NR3C2: variants seen among roughly 807,000 people sequenced by gnomAD.
NR3C2 encodes the protein mineralocorticoid receptor.
NR3C2 carries 15 observed loss-of-function variants against 86.4 expected under a neutral mutation model. The ratio of observed to expected loss-of-function variants is 0.17; its 90% CI spans 0.12 to 0.27. The LOEUF (loss-of-function observed/expected upper bound fraction) is 0.27, where lower values mean the gene tolerates loss of function less well. Among genes scored for constraint, NR3C2 ranks in the 10% least tolerant of loss-of-function variants. The probability of loss-of-function intolerance (pLI) is 1.00; values close to 1 mark genes in which losing one functional copy is unlikely to be tolerated. For missense variants in NR3C2, 960 were observed against 1,195.6 expected, an observed-to-expected ratio of 0.80 and a Z score of 2.91; for synonymous variants, 458 against 450.5, an observed-to-expected ratio of 1.02 and a Z score of -0.21.
chr4:148,262,210 G>A (rs371917246), intron 2 of NR3C2, among the ~76,000 whole-genome samples: 1 of 151,900 alleles, frequency 6.6e-6, no homozygotes, highest in Non-Finnish European at 1.5e-5. Context: ...AAGCATAAGC[G>A]GGATTTTTAT....
At chr4:148,176,832 T>C (rs1438933306) in intron 4 of NR3C2, among the ~76,000 whole-genome samples, 2 of 152,202 alleles carry the variant, frequency 1.3e-5, no homozygotes, top group African/African-American at 4.8e-5. Context: ...TTTTAAACAC[T>C]GTGATCCCCC....
chr4:148,273,291 T>A (rs1181525676), intron 2 of NR3C2, among the ~76,000 whole-genome samples: 1 of 152,210 alleles, frequency 6.6e-6, no homozygotes, highest in Admixed American at 6.5e-5. Context: ...CTGTTTATGA[T>A]GAAGATTTTG....
intron 3 of NR3C2, among the ~76,000 whole-genome samples, chr4:148,249,631 G>T (rs988823624): frequency 6.6e-6 from 1 of 152,182 alleles, no homozygotes. Context: ...AGACATTAAA[G>T]ACTCCATAGA....
At chr4:148,297,268 T>C (rs149608012) in intron 2 of NR3C2, among the ~76,000 whole-genome samples, 2,142 of 152,362 alleles carry the variant, frequency 0.014, 45 homozygotes, top group African/African-American at 0.049. Flanking sequence ...TGGATCATAG[T>C]TGCCTAGTTA....
intron 2 of NR3C2, among the ~76,000 whole-genome samples, chr4:148,389,361 A>G (rs939302320): frequency 2.6e-5 from 4 of 152,220 alleles, no homozygotes; most frequent in African/African-American, 9.6e-5. Flanking sequence ...GGACACGGGT[A>G]AAAGGTGTTC....
At chr4:148,201,145 C>G (rs530903280) in intron 3 of NR3C2, 2 of 152,194 alleles carry the variant, frequency 1.3e-5, no homozygotes, top group Non-Finnish European at 2.9e-5. Context: ...AGAGCCTGCA[C>G]AGTCATCCCC....
At chr4:148,428,504 G>C (rs1749654896) in intron 2 of NR3C2, among the ~76,000 whole-genome samples, 1 of 152,008 alleles carries the variant, frequency 6.6e-6, no homozygotes, top group Admixed American at 6.5e-5. Context: ...GGCATTATTG[G>C]GACAAACAGC....
intron 2 of NR3C2, among the ~76,000 whole-genome samples, chr4:148,334,991 G>T (rs1177395892): frequency 1.3e-5 from 2 of 152,178 alleles, no homozygotes; most frequent in African/African-American, 4.8e-5. Flanking sequence ...GTGGGTATCT[G>T]TGTCCCAATT....
At chr4:148,328,806 C>G (rs1479805336) in intron 2 of NR3C2, among the ~76,000 whole-genome samples, 2 of 152,162 alleles carry the variant, frequency 1.3e-5, no homozygotes, top group Admixed American at 6.5e-5. Flanking sequence ...TTCAAAGCCT[C>G]GCAGCCAGTA....
At chr4:148,377,027 C>T (rs1746713424) in intron 2 of NR3C2, among the ~76,000 whole-genome samples, 2 of 152,250 alleles carry the variant, frequency 1.3e-5, no homozygotes, top group African/African-American at 4.8e-5. Context: ...GCTTAGGTCA[C>T]ACTTTTTAAA....
At chr4:148,323,971 G>T (rs1561042860) in intron 2 of NR3C2, among the ~76,000 whole-genome samples, 1 of 152,116 alleles carries the variant, frequency 6.6e-6, no homozygotes. Flanking sequence ...TAAAATGTTT[G>T]TATCTGTCTC....
chr4:148,381,264 A>C (rs1746974785), intron 2 of NR3C2, among the ~76,000 whole-genome samples: 1 of 152,210 alleles, frequency 6.6e-6, no homozygotes, highest in African/African-American at 2.4e-5. Context: ...ACATTAGGAT[A>C]AGAATAAATC....
chr4:148,417,564 G>A (rs1749074187), intron 2 of NR3C2, among the ~76,000 whole-genome samples: 1 of 152,136 alleles, frequency 6.6e-6, no homozygotes, highest in South Asian at 2.1e-4. Flanking sequence ...AACATATGCT[G>A]ACTTATTACA....
intron 2 of NR3C2, among the ~76,000 whole-genome samples, chr4:148,336,880 C>G (rs1236766213): frequency 6.6e-6 from 1 of 152,172 alleles, no homozygotes; most frequent in African/African-American, 2.4e-5. Context: ...TAGCCTCCAA[C>G]TCCCAGGCTC....
At chr4:148,289,817 C>G (rs539735548) in intron 2 of NR3C2, among the ~76,000 whole-genome samples, 2 of 151,962 alleles carry the variant, frequency 1.3e-5, no homozygotes, top group Admixed American at 6.6e-5. Flanking sequence ...TCTGATAATG[C>G]GAGGGAACAT....
intron 2 of NR3C2, among the ~76,000 whole-genome samples, chr4:148,275,827 T>G (rs141251737): frequency 6.6e-6 from 1 of 152,246 alleles, no homozygotes; most frequent in East Asian, 1.9e-4. Flanking sequence ...AAACTGGAGT[T>G]CCCAAGAGTC....
chr4:148,304,249 C>T lies in NR3C2; in HGVS notation c.1758-44132G>A, dbSNP rs555526011. Among the ~76,000 whole-genome samples the T allele has an allele frequency of 4.0e-5, 6 of 151,324 alleles. No homozygotes were observed. In the South Asian group the frequency reaches 1.3e-3, roughly 32 times the overall value. ...AAAAGTTAATTTCTCAAACCTTAAA[C>T]TGGTTGGCTAAGGATTGAGTTCAGG... On this transcript the variant is annotated intron_variant, in intron 2 of 8. Coordinates refer to ENST00000358102, the MANE Select transcript of NR3C2 (RefSeq NM_000901.5).
At position 148,344,743 on chromosome 4, in the gene NR3C2, C is replaced by T. The variant is rs1337137311; in HGVS notation, c.1758-84626G>A. On this transcript the variant is annotated intron_variant, in intron 2 of 8. Coordinates refer to ENST00000358102, the MANE Select transcript of NR3C2 (RefSeq NM_000901.5). Reference sequence around the variant, plus strand: ...AGACATTCTAAAAATCAGACAATTACGTATGAATTATCTTGAGAAAAAACG... The same window carrying T: ...AGACATTCTAAAAATCAGACAATTATGTATGAATTATCTTGAGAAAAAACG... 2.6e-5 allele frequency among the ~76,000 whole-genome samples: 4 copies of T among 152,080 alleles called. No homozygotes were observed. In the East Asian group the frequency reaches 7.7e-4, roughly 29 times the overall value.
At chr4:148,388,382 G>A (rs900870855) in intron 2 of NR3C2, among the ~76,000 whole-genome samples, 1 of 152,036 alleles carries the variant, frequency 6.6e-6, no homozygotes, top group Non-Finnish European at 1.5e-5. Flanking sequence ...ATTTCCCTTG[G>A]GCGTCACATT....
Sources: gnomAD v4.1 joint callset for allele counts (sites outside exome capture counted in the v4.1 genomes callset) on GRCh38, gnomAD v4.1.1 for gene constraint, MANE v1.5 for transcripts, NCBI Gene and HGNC (gene_info 2026-07-23, HGNC 2026-07-21) for gene names.